Variants in WNT7A observed in about 807,000 individuals in gnomAD.
The protein encoded by WNT7A is protein Wnt-7a.
Under a neutral mutation model 28.2 loss-of-function variants are expected in WNT7A, and 16 were observed. That is an observed-to-expected ratio of 0.57 (90% confidence interval 0.38 to 0.86). WNT7A has a LOEUF of 0.86. Ranked by LOEUF, WNT7A falls within the 40% of genes least tolerant of loss-of-function variation. The probability of loss-of-function intolerance (pLI) is 0.00; values close to 1 mark genes in which losing one functional copy is unlikely to be tolerated. For synonymous variants in WNT7A, 190 were observed against 195.9 expected (o/e 0.97, Z 0.25); for missense variants, 411 against 489.7 (o/e 0.84, Z 1.52).
intron 3 of WNT7A, among the ~76,000 whole-genome samples, chr3:13,838,873 G>T (rs1694412361): frequency 6.6e-6 from 1 of 152,170 alleles, no homozygotes; most frequent in South Asian, 2.1e-4. Context: ...GAGCAATATG[G>T]GTGCTTGAAC....
intron 2 of WNT7A, among the ~76,000 whole-genome samples, chr3:13,874,617 A>G (rs1395532238): frequency 6.6e-6 from 1 of 152,162 alleles, no homozygotes; most frequent in Admixed American, 6.5e-5. Context: ...TTCAAAAGAA[A>G]CCAGAAATTC....
At chr3:13,862,290 G>T (rs957051206) in intron 2 of WNT7A, among the ~76,000 whole-genome samples, 1 of 152,210 alleles carries the variant, frequency 6.6e-6, no homozygotes, top group Non-Finnish European at 1.5e-5. Context: ...ATCCCAGCGG[G>T]TACAGAGGAA....
rs542523664 is a variant in WNT7A at position 13,824,770 on chromosome 3, A to G, written c.571-5347T>C. Among the ~76,000 whole-genome samples, 78 of 152,312 alleles carry G rather than the reference A, an allele frequency of 5.1e-4. 2 individuals carry two copies. The South Asian group carries it at 0.013, about 26-fold the overall frequency. ...TTATCACCATGACAGACGATGGCCC[A>G]ACAATTCCACTACTGAATATGTACC... On this transcript the variant is annotated intron_variant, in intron 3 of 3. Coordinates refer to ENST00000285018, the MANE Select transcript of WNT7A (RefSeq NM_004625.4).
At chr3:13,827,103 G>A (rs961421395) in intron 3 of WNT7A, among the ~76,000 whole-genome samples, 4 of 152,206 alleles carry the variant, frequency 2.6e-5, no homozygotes. Context: ...TGAGCAGGAA[G>A]GACTGTGTCC....
chr3:13,830,544 C>G (rs112424286), intron 3 of WNT7A, among the ~76,000 whole-genome samples: 2,215 of 152,290 alleles, frequency 0.015, 20 homozygotes, highest in Middle Eastern at 0.051. Flanking sequence ...GGAGGCTGAG[C>G]TGTGTCCCTC....
At chr3:13,863,414 GTGTATA>G (rs1210050545) in intron 2 of WNT7A, among the ~76,000 whole-genome samples, 2 of 164 alleles carry the variant, frequency 0.012, no homozygotes, top group African/African-American at 0.053. Context: ...GTGTGTGTAT[GTGTATA>G]TGTGTGTGTG....
intron 1 of WNT7A, chr3:13,876,865 C>T (rs1255498366): frequency 1.3e-5 from 2 of 152,234 alleles, no homozygotes; most frequent in Non-Finnish European, 2.9e-5. Context: ...CTCCCTACCC[C>T]TAATAAATTC....
At position 13,830,661 on chromosome 3, in the gene WNT7A, G is replaced by A. The variant is rs370404824; in HGVS notation, c.571-11238C>T. The stretch of plus-strand genomic sequence containing the variant: ...ACTCCCTGTCCATGGACCACATGGT[G>A]GCTGTGACTGTCTCCCTCTGCCTAG... On this transcript the variant is annotated intron_variant, in intron 3 of 3. Coordinates refer to ENST00000285018, the MANE Select transcript of WNT7A (RefSeq NM_004625.4). Among the ~76,000 whole-genome samples the A allele has an allele frequency of 7.9e-5, 12 of 152,248 alleles. 1 individual carries two copies. In the South Asian group the frequency reaches 8.3e-4, roughly 11 times the overall value.
rs537737211 is a variant in WNT7A, at chr3:13,855,212, G to A, written c.299-409C>T. On this transcript the variant is annotated intron_variant, in intron 2 of 3. Coordinates refer to ENST00000285018, the MANE Select transcript of WNT7A (RefSeq NM_004625.4). ...CAGCGTTTCCCCAACACCCACAGAG[G>A]ACACTGGCTCTGGGGCCAGAAGGCC... Among the ~76,000 whole-genome samples, 46 of 152,358 alleles carry A rather than the reference G, an allele frequency of 3.0e-4. 1 individual carries two copies. In the South Asian group the frequency reaches 6.6e-3, roughly 22 times the overall value.
chr3:13,845,540 G>A (rs1694525160), intron 3 of WNT7A, among the ~76,000 whole-genome samples: 1 of 152,164 alleles, frequency 6.6e-6, no homozygotes, highest in Non-Finnish European at 1.5e-5. Flanking sequence ...ACTCTATAGC[G>A]CTATTAAGTG....
chr3:13,853,669 C>CA (rs1694677904), intron 3 of WNT7A, among the ~76,000 whole-genome samples: 1 of 152,220 alleles, frequency 6.6e-6, no homozygotes, highest in African/African-American at 2.4e-5. Context: ...GGCAGTATGA[C>CA]AGAGCAACAG....
chr3:13,875,391 C>T (rs1481813505), intron 1 of WNT7A, among the ~76,000 whole-genome samples: 1 of 152,208 alleles, frequency 6.6e-6, no homozygotes, highest in Admixed American at 6.5e-5. Context: ...ATCAGTGAAA[C>T]ATACACACAC....
intron 3 of WNT7A, among the ~76,000 whole-genome samples, chr3:13,830,851 C>T (rs1234202124): frequency 6.6e-6 from 1 of 152,180 alleles, no homozygotes; most frequent in African/African-American, 2.4e-5. Flanking sequence ...CCTAAACTTG[C>T]CTCTGTCACC....
At chr3:13,825,250 A>C (rs1694175127) in intron 3 of WNT7A, among the ~76,000 whole-genome samples, 3 of 152,168 alleles carry the variant, frequency 2.0e-5, no homozygotes, top group Admixed American at 1.3e-4. Flanking sequence ...TGTCAGGAAA[A>C]AAGTCAGCTC....
intron 3 of WNT7A, among the ~76,000 whole-genome samples, chr3:13,824,426 T>A (rs959185905): frequency 6.6e-6 from 1 of 152,248 alleles, no homozygotes; most frequent in African/African-American, 2.4e-5. Flanking sequence ...GTAGCATGTG[T>A]TACAATTCTT....
Position 13,855,371 on chromosome 3 carries a change from G to GAA in WNT7A, c.299-570_299-569dup, listed in dbSNP as rs367591657. On this transcript the variant is annotated intron_variant, in intron 2 of 3. Coordinates refer to ENST00000285018, the MANE Select transcript of WNT7A (RefSeq NM_004625.4). ...GTAACTTTCTCATGGCAATGAGGGA[G>GAA]AATGAGTTTGTCCATGGAAAGCTCT... 5.3e-5 allele frequency among the ~76,000 whole-genome samples: 4 copies of GAA among 76,174 alleles called. No individual in the cohort carries two copies. The African/African-American group carries it at 5.6e-4, about 11-fold the overall frequency. 50.0% of individuals were successfully genotyped at this position (76,174 alleles called of 152,430 possible). A position where few individuals can be genotyped will look rare whatever the true frequency, so the allele number is the denominator to read the frequency against.
At chr3:13,822,949 TC>T (rs1694136194) in intron 3 of WNT7A, among the ~76,000 whole-genome samples, 1 of 152,194 alleles carries the variant, frequency 6.6e-6, no homozygotes, top group African/African-American at 2.4e-5. Flanking sequence ...GCCTCCCTGT[TC>T]TTCTGAAGCC....
intron 3 of WNT7A, among the ~76,000 whole-genome samples, chr3:13,853,112 C>A (rs1249301633): frequency 2.2e-5 from 3 of 137,474 alleles, no homozygotes; most frequent in Non-Finnish European, 4.7e-5. Flanking sequence ...ACAGTGGCTC[C>A]CCAGCAACCA....
At chr3:13,850,069 C>G (rs1201706266) in intron 3 of WNT7A, among the ~76,000 whole-genome samples, 2 of 152,256 alleles carry the variant, frequency 1.3e-5, no homozygotes, top group African/African-American at 2.4e-5. Context: ...CAAGACCATT[C>G]CTGCTCCAAG....
Sources: allele counts gnomAD v4.1 joint callset (sites outside exome capture counted in the v4.1 genomes callset), GRCh38; gene constraint gnomAD v4.1.1; transcripts MANE v1.5; gene names NCBI Gene and HGNC (gene_info 2026-07-23, HGNC 2026-07-21).